SNAP25: variants seen among roughly 807,000 people sequenced by gnomAD.
The protein encoded by SNAP25 is synaptosome associated protein 25.
A neutral mutation model predicts 28.7 loss-of-function variants in SNAP25; 3 were observed. The ratio of observed to expected loss-of-function variants is 0.10; its 90% CI spans 0.05 to 0.27. The LOEUF (loss-of-function observed/expected upper bound fraction) is 0.27. Ranked by LOEUF, SNAP25 falls within the 10% of genes least tolerant of loss-of-function variation. The pLI, the probability that SNAP25 is intolerant of heterozygous loss-of-function variation, is 1.00. For missense variants in SNAP25, 117 were observed against 278.7 expected (o/e 0.42, Z 4.13); for synonymous variants, 61 against 88.1 (o/e 0.69, Z 1.72).
chr20:10,271,550 G>A (rs963968100), intron 1 of SNAP25, among the ~76,000 whole-genome samples: 1 of 152,344 alleles, frequency 6.6e-6, no homozygotes, highest in South Asian at 2.1e-4. Flanking sequence ...GAAACCAAGG[G>A]TATCTGCCAC....
chr20:10,220,114 A>G (rs1320484502), intron 1 of SNAP25, among the ~76,000 whole-genome samples: 1 of 152,212 alleles, frequency 6.6e-6, no homozygotes, highest in African/African-American at 2.4e-5. Flanking sequence ...TGAAGAAGCC[A>G]ATGCTATCTG....
chr20:10,230,026 G>T (rs1249238215), intron 1 of SNAP25, among the ~76,000 whole-genome samples: 1 of 152,140 alleles, frequency 6.6e-6, no homozygotes, highest in African/African-American at 2.4e-5. Context: ...GCAGAAATGT[G>T]TGTAGTCAGA....
chr20:10,276,463 A>G (rs2063693654), intron 2 of SNAP25, among the ~76,000 whole-genome samples: 2 of 152,246 alleles, frequency 1.3e-5, no homozygotes, highest in Non-Finnish European at 2.9e-5. Context: ...CAGCCATTAT[A>G]CTATGAATAA....
chr20:10,229,608 G>A (rs896491551), intron 1 of SNAP25, among the ~76,000 whole-genome samples: 2 of 152,138 alleles, frequency 1.3e-5, no homozygotes, highest in Admixed American at 6.6e-5. Flanking sequence ...ACAGACAGGA[G>A]AGCTTGCTGG....
At chr20:10,271,733 CGA>C (rs142870582) in intron 1 of SNAP25, among the ~76,000 whole-genome samples, 29 of 148,458 alleles carry the variant, frequency 2.0e-4, no homozygotes, top group Non-Finnish European at 1.9e-4. Context: ...AGAGGGAGAG[CGA>C]GAGAGAGAGA....
chr20:10,292,937 G>A, intron 4 of SNAP25: 1 of 1,613,634 alleles, frequency 6.2e-7, no homozygotes, highest in South Asian at 1.1e-5. Context: ...ACATGAAGGA[G>A]GCTGAGAAAA....
intron 5 of SNAP25, among the ~76,000 whole-genome samples, chr20:10,294,359 A>C (rs1033645441): frequency 1.3e-5 from 2 of 152,202 alleles, no homozygotes; most frequent in Non-Finnish European, 2.9e-5. Context: ...CAAAAAAATT[A>C]AAAAATTCTG....
chr20:10,294,753 G>T (rs1365698258), intron 5 of SNAP25, among the ~76,000 whole-genome samples: 2 of 151,018 alleles, frequency 1.3e-5, no homozygotes, highest in African/African-American at 4.9e-5. Flanking sequence ...TTTCCTCCAT[G>T]GCCCCACTGT....
intron 1 of SNAP25, among the ~76,000 whole-genome samples, chr20:10,228,219 A>G (rs1159608088): frequency 1.3e-5 from 2 of 152,158 alleles, no homozygotes; most frequent in Non-Finnish European, 2.9e-5. Flanking sequence ...GACCACAAGG[A>G]AAAAAGTAAC....
At chr20:10,222,529 G>C (rs2122599304) in intron 1 of SNAP25, among the ~76,000 whole-genome samples, 1 of 152,288 alleles carries the variant, frequency 6.6e-6, no homozygotes, top group Admixed American at 6.5e-5. Context: ...TGGGAAGCTT[G>C]GAGGGAATAG....
At chr20:10,292,304 G>A (rs1056185561) in intron 4 of SNAP25, among the ~76,000 whole-genome samples, 2 of 152,110 alleles carry the variant, frequency 1.3e-5, no homozygotes, top group Admixed American at 1.3e-4. Flanking sequence ...CAGCTTTTAC[G>A]AATTACATAT....
At chr20:10,297,206 G>T (rs1479151310) in intron 6 of SNAP25, among the ~76,000 whole-genome samples, 156 bp downstream of exon 6, 1 of 152,132 alleles carries the variant, frequency 6.6e-6, no homozygotes, top group African/African-American at 2.4e-5. Flanking sequence ...ACCTTGCCTG[G>T]GTGGGGTGAT....
chr20:10,281,258 T>G (rs890731382), intron 3 of SNAP25, among the ~76,000 whole-genome samples: 7 of 152,162 alleles, frequency 4.6e-5, no homozygotes, highest in African/African-American at 1.7e-4. Flanking sequence ...TCCTAGCTAC[T>G]AAAACATAAT....
chr20:10,222,485 C>A (rs1000847893), intron 1 of SNAP25, among the ~76,000 whole-genome samples: 9 of 152,134 alleles, frequency 5.9e-5, no homozygotes, highest in Non-Finnish European at 1.3e-4. Context: ...CTACAGTTGG[C>A]AAACCCTGAA....
At chr20:10,274,678 C>A (rs1197589349) in intron 1 of SNAP25, among the ~76,000 whole-genome samples, 2 of 152,034 alleles carry the variant, frequency 1.3e-5, no homozygotes, top group Non-Finnish European at 2.9e-5. Flanking sequence ...CCCGTCTCTA[C>A]TAAAAATACA....
chr20:10,247,626 T>A (rs2122781445), intron 1 of SNAP25, among the ~76,000 whole-genome samples: 1 of 152,308 alleles, frequency 6.6e-6, no homozygotes, highest in East Asian at 1.9e-4. Context: ...CTTCCAAGCA[T>A]GCTGCATTTC....
chr20:10,241,631 G>A (rs1479781640), intron 1 of SNAP25, among the ~76,000 whole-genome samples: 1 of 152,162 alleles, frequency 6.6e-6, no homozygotes, highest in Non-Finnish European at 1.5e-5. Flanking sequence ...AGGAGGAGAT[G>A]TTTATGCTGA....
At chr20:10,305,022 A>G (rs1744358178) in intron 7 of SNAP25, among the ~76,000 whole-genome samples, 1 of 152,204 alleles carries the variant, frequency 6.6e-6, no homozygotes, top group Non-Finnish European at 1.5e-5. Flanking sequence ...AGGCCCATGT[A>G]TGGTCTATAT....
At chr20:10,300,155 C>T (rs558053901) in intron 7 of SNAP25, among the ~76,000 whole-genome samples, 4 of 151,736 alleles carry the variant, frequency 2.6e-5, no homozygotes, top group South Asian at 2.1e-4. Flanking sequence ...TCAACGTGGG[C>T]CATAAGAAAG....
Sources: gnomAD v4.1 joint callset for allele counts (sites outside exome capture counted in the v4.1 genomes callset) on GRCh38, gnomAD v4.1.1 for gene constraint, MANE v1.5 for transcripts, NCBI Gene and HGNC (gene_info 2026-07-23, HGNC 2026-07-21) for gene names.